The following DCC variants were observed in gnomAD, a reference collection of about 807,000 sequenced individuals.
DCC encodes the protein DCC netrin 1 receptor.
DCC carries 58 observed loss-of-function variants against 172.5 expected under a neutral mutation model. That is an observed-to-expected ratio of 0.34 (90% CI 0.27 to 0.42). The LOEUF (loss-of-function observed/expected upper bound fraction) is 0.42, where lower values mean the gene tolerates loss of function less well. DCC is among the 10% of genes least tolerant of loss of function. DCC has a pLI of 1.00. For missense variants in DCC, 1,740 were observed against 1,791.0 expected (o/e 0.97, Z 0.51); for synonymous variants, 709 against 644.5 (o/e 1.10, Z -1.52).
intron 2 of DCC, among the ~76,000 whole-genome samples, chr18:52,801,751 T>C (rs1341324524): frequency 6.6e-6 from 1 of 152,214 alleles, no homozygotes; most frequent in Non-Finnish European, 1.5e-5. Flanking sequence ...AGTGGTATTC[T>C]ATGGAACTGT....
At position 53,226,934 on chromosome 18, in the gene DCC, G is replaced by GTATATATATATA. The variant is rs1555734406; in HGVS notation, c.1911+11341_1911+11352dup. Among the ~76,000 whole-genome samples, 260 of 67,896 alleles carry GTATATATATATA rather than the reference G, an allele frequency of 3.8e-3. 2 individuals carry two copies. Among genetic ancestry groups the GTATATATATATA allele is most frequent in the Middle Eastern group, 8.1e-3 (1 of 124 alleles). The allele number at this position is 67,896 out of a possible 152,430, so 44.5% of individuals were successfully genotyped here. A position where few individuals can be genotyped will look rare whatever the true frequency, so the allele number is the denominator to read the frequency against. On this transcript the variant is annotated intron_variant, in intron 12 of 28. Transcript: ENST00000442544. ...TGTAACTGTGTGTGTGTGTGTGTGT[G>GTATATATATATA]TATATATATATATATTTTTTTTTTT...
intron 1 of DCC, among the ~76,000 whole-genome samples, chr18:52,679,923 A>G (rs2035714801): frequency 6.6e-6 from 1 of 152,140 alleles, no homozygotes; most frequent in Admixed American, 6.6e-5. Flanking sequence ...TATATTTTGT[A>G]TAAACAATGC....
intron 1 of DCC, among the ~76,000 whole-genome samples, chr18:52,509,964 G>T (rs1368339061): frequency 6.6e-6 from 1 of 151,996 alleles, no homozygotes; most frequent in African/African-American, 2.4e-5. Flanking sequence ...ATCAGCTGGC[G>T]TGGTGGCAGA....
chr18:52,523,603 ACT>A (rs1333414821), intron 1 of DCC, among the ~76,000 whole-genome samples: 1 of 152,156 alleles, frequency 6.6e-6, no homozygotes, highest in African/African-American at 2.4e-5. Context: ...AGCTGCATTA[ACT>A]CTACATTGTG....
At chr18:52,917,164 A>G (rs2040055292) in intron 3 of DCC, among the ~76,000 whole-genome samples, 1 of 151,390 alleles carries the variant, frequency 6.6e-6, no homozygotes, top group Admixed American at 6.6e-5. Context: ...GAAAAAAATA[A>G]AAAATATTGG....
At chr18:52,897,271 C>T (rs4588078) in intron 2 of DCC, among the ~76,000 whole-genome samples, 60,094 of 152,024 alleles carry the variant, frequency 0.4, 12,469 homozygotes, top group Non-Finnish European at 0.47. Context: ...AGTTGATGGC[C>T]TTACTCCTTG....
intron 27 of DCC, 45 bp downstream of exon 27, chr18:53,499,555 G>A (rs911166250): frequency 1.4e-5 from 21 of 1,504,746 alleles, no homozygotes; most frequent in Middle Eastern, 1.7e-4. Flanking sequence ...ATTATTATTG[G>A]TGCCTCTATT....
At chr18:53,474,340 AGAAACCT>A (rs1317776924) in intron 25 of DCC, among the ~76,000 whole-genome samples, 3 of 152,216 alleles carry the variant, frequency 2.0e-5, no homozygotes, top group Non-Finnish European at 4.4e-5. Context: ...TTTGCAATAA[AGAAACCT>A]GATGCATCTA....
At chr18:53,282,961 G>T (rs1452452664) in intron 12 of DCC, among the ~76,000 whole-genome samples, 2 of 152,048 alleles carry the variant, frequency 1.3e-5, no homozygotes, top group African/African-American at 4.8e-5. Flanking sequence ...CTTTTCCCAG[G>T]AATATTCACT....
chr18:53,263,018 A>T (rs2056624280), intron 12 of DCC, among the ~76,000 whole-genome samples: 1 of 152,234 alleles, frequency 6.6e-6, no homozygotes, highest in Non-Finnish European at 1.5e-5. Context: ...AAGTTCCAAT[A>T]AGAACTGGAT....
chr18:52,396,428 A>G (rs1323106407), intron 1 of DCC, among the ~76,000 whole-genome samples: 6 of 151,922 alleles, frequency 3.9e-5, no homozygotes, highest in African/African-American at 1.4e-4. Flanking sequence ...CAGCTTTACA[A>G]TCTGCCAACT....
At chr18:52,595,320 GAAAT>G (rs1416141778) in intron 1 of DCC, among the ~76,000 whole-genome samples, 1 of 152,022 alleles carries the variant, frequency 6.6e-6, no homozygotes, top group African/African-American at 2.4e-5. Flanking sequence ...ATGTTCTCTG[GAAAT>G]AAATAGTCCA....
intron 9 of DCC, among the ~76,000 whole-genome samples, chr18:53,182,573 G>A (rs1003549206): frequency 3.3e-5 from 5 of 152,152 alleles, no homozygotes; most frequent in African/African-American, 7.2e-5. Flanking sequence ...CTCACTTGCC[G>A]TCTTTCTTAC....
chr18:52,462,169 A>G (rs1988650692), intron 1 of DCC, among the ~76,000 whole-genome samples: 1 of 152,184 alleles, frequency 6.6e-6, no homozygotes, highest in Non-Finnish European at 1.5e-5. Flanking sequence ...AAGAAGTGAT[A>G]GTGTATTTAT....
chr18:52,346,151 A>C (rs755829397), intron 1 of DCC, among the ~76,000 whole-genome samples: 10 of 152,234 alleles, frequency 6.6e-5, no homozygotes, highest in Non-Finnish European at 1.3e-4. Flanking sequence ...TGTCAAGAAG[A>C]AAGGATGAAC....
intron 13 of DCC, among the ~76,000 whole-genome samples, chr18:53,319,878 G>A (rs904553006): frequency 1.3e-5 from 2 of 151,934 alleles, no homozygotes; most frequent in African/African-American, 4.8e-5. Flanking sequence ...TATTCCCATC[G>A]ACAAAATACC....
intron 1 of DCC, among the ~76,000 whole-genome samples, chr18:52,429,080 G>A (rs760590227): frequency 6.6e-6 from 1 of 151,836 alleles, no homozygotes; most frequent in Non-Finnish European, 1.5e-5. Flanking sequence ...TAAGATCTAC[G>A]TACAGTTATA....
intron 1 of DCC, among the ~76,000 whole-genome samples, chr18:52,359,286 A>C (rs1984514758): frequency 6.6e-6 from 1 of 152,214 alleles, no homozygotes; most frequent in Admixed American, 6.5e-5. Context: ...AATAATGGTT[A>C]ATATTTATGA....
At chr18:52,776,164 C>T (rs572598757) in intron 2 of DCC, among the ~76,000 whole-genome samples, 3 of 152,016 alleles carry the variant, frequency 2.0e-5, no homozygotes, top group Non-Finnish European at 4.4e-5. Context: ...CAAAAGTGAA[C>T]AGTAGAAAAA....
Sources: gnomAD v4.1 joint callset for allele counts (sites outside exome capture counted in the v4.1 genomes callset) on GRCh38, gnomAD v4.1.1 for gene constraint, MANE v1.5 for transcripts, NCBI Gene and HGNC (gene_info 2026-07-23, HGNC 2026-07-21) for gene names.